The following AGBL3 variants were observed in gnomAD, a reference collection of about 807,000 sequenced individuals.
AGBL3 encodes AGBL carboxypeptidase 3.
A neutral mutation model predicts 94.5 loss-of-function variants in AGBL3; 68 were observed. That is an observed-to-expected ratio of 0.72 (90% CI 0.59 to 0.88). The LOEUF (loss-of-function observed/expected upper bound fraction) is 0.88. Ranked by LOEUF, AGBL3 falls within the 40% of genes least tolerant of loss-of-function variation. The pLI is 0.00. For synonymous variants in AGBL3, 354 were observed against 370.7 expected (o/e 0.95, Z 0.52); for missense variants, 934 against 1,103.8 (o/e 0.85, Z 2.18).
At chr7:135,094,921 T>G (rs894058902) in intron 15 of AGBL3, among the ~76,000 whole-genome samples, 2 of 152,216 alleles carry the variant, frequency 1.3e-5, no homozygotes, top group African/African-American at 2.4e-5. Context: ...CAGAATCCCT[T>G]AAAGACTGGG....
chr7:135,058,097 GT>G (rs1469338690), intron 11 of AGBL3, among the ~76,000 whole-genome samples: 2 of 152,102 alleles, frequency 1.3e-5, no homozygotes, highest in African/African-American at 4.8e-5. Context: ...ATGTATCAGT[GT>G]TGTTTAATCA....
intron 16 of AGBL3, among the ~76,000 whole-genome samples, chr7:135,116,715 A>G (rs1826368271): frequency 6.6e-6 from 1 of 152,174 alleles, no homozygotes; most frequent in Non-Finnish European, 1.5e-5. Flanking sequence ...ACCTCATAAG[A>G]GTGGAAGTGT....
intron 16 of AGBL3, among the ~76,000 whole-genome samples, chr7:135,124,824 G>T (rs2117274463): frequency 6.6e-6 from 1 of 152,282 alleles, no homozygotes; most frequent in Middle Eastern, 3.4e-3. Context: ...AATTAAAGCA[G>T]AAATCAAGAA....
intron 11 of AGBL3, among the ~76,000 whole-genome samples, chr7:135,050,263 T>G (rs1393437786): frequency 4.6e-5 from 7 of 151,960 alleles, no homozygotes; most frequent in Admixed American, 4.6e-4. Flanking sequence ...GTAATAATAC[T>G]TGTTTGTTAA....
chr7:135,127,617 C>T (rs922138855), intron 16 of AGBL3, among the ~76,000 whole-genome samples: 2 of 150,800 alleles, frequency 1.3e-5, no homozygotes, highest in Admixed American at 6.6e-5. Flanking sequence ...ATCAAAACCA[C>T]AATGAGATAC....
intron 6 of AGBL3, among the ~76,000 whole-genome samples, chr7:135,033,420 G>C (rs1815979574): frequency 6.6e-6 from 1 of 152,066 alleles, no homozygotes. Flanking sequence ...CAGCTATCAA[G>C]GTTTTGCAAC....
chr7:135,122,238 TC>T (rs1827239091), intron 16 of AGBL3, among the ~76,000 whole-genome samples: 1 of 152,136 alleles, frequency 6.6e-6, no homozygotes, highest in African/African-American at 2.4e-5. Context: ...CAAGACATGT[TC>T]CCCAAAGCCC....
intron 16 of AGBL3, among the ~76,000 whole-genome samples, chr7:135,116,797 A>G (rs1164265145): frequency 6.6e-6 from 1 of 152,172 alleles, no homozygotes; most frequent in East Asian, 1.9e-4. Flanking sequence ...GCTGGAGTAC[A>G]GTGGTTATTG....
chr7:134,996,406 CA>C (rs1811015239), intron 4 of AGBL3, among the ~76,000 whole-genome samples: 1 of 152,178 alleles, frequency 6.6e-6, no homozygotes, highest in African/African-American at 2.4e-5. Flanking sequence ...ATGAAACTCT[CA>C]GGGGGAGTTT....
chr7:135,005,920 T>C (rs1178608750), intron 4 of AGBL3, among the ~76,000 whole-genome samples: 1 of 151,868 alleles, frequency 6.6e-6, no homozygotes, highest in Non-Finnish European at 1.5e-5. Flanking sequence ...AACTTCAACC[T>C]AAGTCTAACA....
At chr7:135,057,342 G>C (rs537632893) in intron 11 of AGBL3, among the ~76,000 whole-genome samples, 1 of 152,124 alleles carries the variant, frequency 6.6e-6, no homozygotes, top group South Asian at 2.1e-4. Flanking sequence ...CTTGAATTTG[G>C]TAATGACTTT....
At chr7:135,099,778 G>A (rs1180436866) in intron 15 of AGBL3, among the ~76,000 whole-genome samples, 1 of 151,870 alleles carries the variant, frequency 6.6e-6, no homozygotes, top group Non-Finnish European at 1.5e-5. Flanking sequence ...TGTTTTAGCA[G>A]GTTCTGGGAA....
intron 12 of AGBL3, among the ~76,000 whole-genome samples, chr7:135,061,116 G>GT (rs1165539451): frequency 6.6e-6 from 1 of 151,122 alleles, no homozygotes; most frequent in African/African-American, 2.4e-5. Flanking sequence ...TCCATATGTG[G>GT]TTTTAACATG....
intron 16 of AGBL3, among the ~76,000 whole-genome samples, chr7:135,119,540 A>C (rs1387215265): frequency 1.3e-5 from 2 of 151,458 alleles, no homozygotes; most frequent in Non-Finnish European, 2.9e-5. Context: ...CCCAAAATTT[A>C]ACTTCTGAAA....
Position 134,993,688 on chromosome 7 carries a change from T to C in AGBL3, c.310+10T>C, listed in dbSNP as rs764919284. ...AAAGTCCAGCATATTGGTATGTTTTTAGCAGTTTGGGGGATTCAGACATTA... is the reference window on the plus strand; with the variant it reads ...AAAGTCCAGCATATTGGTATGTTTTCAGCAGTTTGGGGGATTCAGACATTA... On this transcript the variant is annotated intron_variant, in intron 4 of 16. Transcript: ENST00000436302. 1.1e-4 allele frequency: 167 copies of C among 1,535,204 alleles called. No homozygotes were observed. The highest frequency in any genetic ancestry group is 1.4e-4 in the Non-Finnish European group (161 of 1,137,722).
intron 7 of AGBL3, among the ~76,000 whole-genome samples, chr7:135,036,940 G>A (rs117520098): frequency 0.12 from 17,975 of 148,884 alleles, 1,188 homozygotes; most frequent in East Asian, 0.19. Context: ...TTTTTTAGAC[G>A]GAGTCTCACT....
At chr7:135,033,084 C>T in intron 6 of AGBL3, 102 bp downstream of exon 6, 1 of 1,146,290 alleles carries the variant, frequency 8.7e-7, no homozygotes. Context: ...ACTGTAATTC[C>T]TTGAAGTATG....
At chr7:134,996,868 T>A (rs1045490655) in intron 4 of AGBL3, among the ~76,000 whole-genome samples, 2 of 152,120 alleles carry the variant, frequency 1.3e-5, no homozygotes, top group Admixed American at 1.3e-4. Flanking sequence ...AGTTTATGAG[T>A]GTGGTCAGGG....
intron 15 of AGBL3, among the ~76,000 whole-genome samples, chr7:135,110,147 T>C (rs868246282): frequency 6.6e-6 from 1 of 152,036 alleles, no homozygotes; most frequent in Non-Finnish European, 1.5e-5. Context: ...TACTAGTGGC[T>C]GGCTGGAGTT....
Sources: gnomAD v4.1 joint callset for allele counts (sites outside exome capture counted in the v4.1 genomes callset) on GRCh38, gnomAD v4.1.1 for gene constraint, MANE v1.5 for transcripts, NCBI Gene and HGNC (gene_info 2026-07-23, HGNC 2026-07-21) for gene names.